Variants in SFI1 observed in about 807,000 individuals in gnomAD.
The protein encoded by SFI1 is SFI1 centrin binding protein, also known as protein SFI1 homolog.
A neutral mutation model predicts 207.5 loss-of-function variants in SFI1; 195 were observed. The ratio of observed to expected loss-of-function variants is 0.94; its 90% CI spans 0.84 to 1.06. SFI1 has a LOEUF of 1.06. Ranked by LOEUF, SFI1 falls within the 50% of genes least tolerant of loss-of-function variation. SFI1 has a pLI of 0.00. For synonymous variants in SFI1, 630 were observed against 598.9 expected (o/e 1.05, Z -0.76); for missense variants, 1,634 against 1,588.0 (o/e 1.03, Z -0.49).
intron 27 of SFI1, 97 bp downstream of exon 27, chr22:31,613,952 G>GCTGGTCACGGC (rs2070865230): frequency 1.4e-6 from 2 of 1,415,918 alleles, no homozygotes; most frequent in Non-Finnish European, 1.9e-6. Flanking sequence ...GATGGGACGG[G>GCTGGTCACGGC]CTGGTCACGG....
rs537995084 is a variant in SFI1, at chr22:31,552,708, G to T, written c.544+2360G>T. On this transcript the variant is annotated intron_variant, in intron 6 of 32. Coordinates refer to ENST00000400288, the MANE Select transcript of SFI1 (RefSeq NM_001007467.3). ...AGATTCCCGCTAGTGGGATTGCTGG[G>T]TCGAATGGTGGTTCTGTTTTTAGTT... Among the ~76,000 whole-genome samples, 4 of 152,234 alleles carry T rather than the reference G, an allele frequency of 2.6e-5. No homozygotes were observed. The East Asian group carries it at 7.7e-4, about 29-fold the overall frequency.
At chr22:31,560,748 C>T (rs558261123) in intron 7 of SFI1, among the ~76,000 whole-genome samples, 1 of 150,128 alleles carries the variant, frequency 6.7e-6, no homozygotes, top group Non-Finnish European at 1.5e-5. Context: ...GTCACCCAGG[C>T]TAGAGTGCAG....
Position 31,531,049 on chromosome 22 carries a change from T to G in SFI1, c.267-9T>G. The G allele has an allele frequency of 6.2e-7, 1 of 1,607,014 alleles. No homozygotes were observed. The highest frequency in any genetic ancestry group is 2.2e-5 in the East Asian group (1 of 44,844). ...TAAAATATGTATATGCTTTTTTTCC[T>G]TCTTTCAGATGCGTGGCCAGAAAGT... is the stretch of plus-strand genomic sequence containing the variant. On this transcript the variant is annotated splice_polypyrimidine_tract_variant and intron_variant, in intron 3 of 32. Transcript: ENST00000400288.
chr22:31,505,176 C>T (rs557098139), intron 1 of SFI1, among the ~76,000 whole-genome samples: 1 of 152,146 alleles, frequency 6.6e-6, no homozygotes, highest in East Asian at 1.9e-4. Context: ...CAGTGGCTCA[C>T]GCCTATAATC....
At chr22:31,578,290 C>A in intron 10 of SFI1, 92 bp from the exon 11 acceptor site, 1 of 1,275,308 alleles carries the variant, frequency 7.8e-7, no homozygotes. Flanking sequence ...GTGTTATCCC[C>A]GATAGCCACG....
intron 4 of SFI1, among the ~76,000 whole-genome samples, chr22:31,544,682 G>A (rs1014740942): frequency 1.1e-4 from 16 of 152,028 alleles, no homozygotes; most frequent in Non-Finnish European, 2.4e-4. Flanking sequence ...TTGAGCCTGG[G>A]ATGTTAAGGC....
At chr22:31,533,369 A>G (rs2058698953) in intron 4 of SFI1, among the ~76,000 whole-genome samples, 1 of 152,152 alleles carries the variant, frequency 6.6e-6, no homozygotes, top group Non-Finnish European at 1.5e-5. Flanking sequence ...CTCTACTGAA[A>G]ATACAAAGAA....
intron 29 of SFI1, 49 bp from the exon 30 acceptor site, chr22:31,616,696 G>A (rs1218024804): frequency 6.6e-7 from 1 of 1,503,952 alleles, no homozygotes; most frequent in South Asian, 1.4e-5. Context: ...CCCCTCCCTG[G>A]CTTCCTCCTA....
chr22:31,518,517 G>T (rs1313775196), intron 2 of SFI1, among the ~76,000 whole-genome samples: 1 of 151,832 alleles, frequency 6.6e-6, no homozygotes, highest in Non-Finnish European at 1.5e-5. Context: ...CATTTATTTG[G>T]TTTTCTCTCT....
At chr22:31,523,946 C>CTTT (rs563840359) in intron 2 of SFI1, among the ~76,000 whole-genome samples, 3 of 135,798 alleles carry the variant, frequency 2.2e-5, no homozygotes, top group South Asian at 2.3e-4. Flanking sequence ...GCAAGGACTA[C>CTTT]TTTTTTTTTT....
intron 22 of SFI1, among the ~76,000 whole-genome samples, chr22:31,609,488 A>G (rs1034243021): frequency 6.6e-6 from 1 of 152,234 alleles, no homozygotes; most frequent in Non-Finnish European, 1.5e-5. Flanking sequence ...TGAAAATACA[A>G]ATAAAAGTGA....
intron 2 of SFI1, among the ~76,000 whole-genome samples, chr22:31,513,624 C>T (rs2055988253): frequency 6.7e-6 from 1 of 149,152 alleles, no homozygotes; most frequent in African/African-American, 2.5e-5. Context: ...GTCGCCCAGG[C>T]TGGAGTGCAG....
intron 4 of SFI1, among the ~76,000 whole-genome samples, chr22:31,539,926 G>T (rs903036206): frequency 2.0e-5 from 3 of 152,098 alleles, no homozygotes; most frequent in Non-Finnish European, 4.4e-5. Flanking sequence ...ACGTTGGTCA[G>T]GCTGGTCTCA....
At chr22:31,511,476 T>G (rs1472946174) in intron 2 of SFI1, among the ~76,000 whole-genome samples, 2 of 148,054 alleles carry the variant, frequency 1.4e-5, no homozygotes, top group Non-Finnish European at 1.5e-5. Flanking sequence ...TTTTTTTTTT[T>G]TTTTTTTTTT....
chr22:31,571,502 A>G (rs2062948307), intron 8 of SFI1, among the ~76,000 whole-genome samples: 1 of 150,420 alleles, frequency 6.6e-6, no homozygotes, highest in Non-Finnish European at 1.5e-5. Context: ...TTTGGTAGAG[A>G]CAGAGTTTCG....
chr22:31,517,829 T>C (rs2056735514), intron 2 of SFI1, among the ~76,000 whole-genome samples: 1 of 152,184 alleles, frequency 6.6e-6, no homozygotes, highest in Admixed American at 6.6e-5. Flanking sequence ...CGTGATGTCT[T>C]GAATATGTAG....
In SFI1 at chr22:31,531,749, C is replaced by T. The variant is rs1208689213; in HGVS notation, c.338+620C>T. Among the ~76,000 whole-genome samples, 5 of 152,072 alleles carry T rather than the reference C, an allele frequency of 3.3e-5. No homozygotes were observed. The South Asian group carries it at 6.2e-4, about 19-fold the overall frequency. Reference sequence around the variant, plus strand: ...TCTCTACTAAAAATACAAAATTAGCCGGACGTGGTGGCGCATGCCTGTAAT... The same window carrying T: ...TCTCTACTAAAAATACAAAATTAGCTGGACGTGGTGGCGCATGCCTGTAAT... On this transcript the variant is annotated intron_variant, in intron 4 of 32. Transcript: ENST00000400288.
At chr22:31,602,953 C>G (rs1238904653) in intron 17 of SFI1, among the ~76,000 whole-genome samples, 168 bp downstream of exon 17, 1 of 152,220 alleles carries the variant, frequency 6.6e-6, no homozygotes, top group Non-Finnish European at 1.5e-5. Flanking sequence ...ACTAGGTTGG[C>G]CGGGCACAGT....
At chr22:31,597,001 ACGCACACACGG>A (rs2067243181) in intron 15 of SFI1, among the ~76,000 whole-genome samples, 1 of 1,676 alleles carries the variant, frequency 6.0e-4, no homozygotes, top group Non-Finnish European at 2.2e-3. Context: ...TACTGAAGAC[ACGCACACACGG>A]TACCCGTTTC....
Sources: gnomAD v4.1 joint callset for allele counts (sites outside exome capture counted in the v4.1 genomes callset) on GRCh38, gnomAD v4.1.1 for gene constraint, MANE v1.5 for transcripts, NCBI Gene and HGNC (gene_info 2026-07-23, HGNC 2026-07-21) for gene names.